Variants in UBR3 observed in about 807,000 individuals in gnomAD.
The protein encoded by UBR3 is E3 ubiquitin-protein ligase UBR3.
UBR3 carries 85 observed loss-of-function variants against 243.2 expected under a neutral mutation model. The ratio of observed to expected loss-of-function variants is 0.35; its 90% confidence interval spans 0.29 to 0.42. The LOEUF (loss-of-function observed/expected upper bound fraction) is 0.42, where lower values mean the gene tolerates loss of function less well. UBR3 is among the 10% of genes least tolerant of loss of function. The pLI, the probability that UBR3 is intolerant of heterozygous loss-of-function variation, is 1.00. For missense variants in UBR3, 1,686 were observed against 2,300.8 expected (o/e 0.73, Z 5.47); for synonymous variants, 748 against 799.8 (o/e 0.94, Z 1.09).
At chr2:169,937,294 A>C (rs1043358408) in intron 19 of UBR3, among the ~76,000 whole-genome samples, 6 of 152,214 alleles carry the variant, frequency 3.9e-5, no homozygotes, top group Admixed American at 3.3e-4. Context: ...TGTTGGCTGC[A>C]TAAATGTCTT....
At chr2:169,933,044 TTTTATA>T (rs1358789164) in intron 19 of UBR3, 36 bp downstream of exon 19, 1 of 1,430,780 alleles carries the variant, frequency 7.0e-7, no homozygotes, top group African/African-American at 1.5e-5. Flanking sequence ...CATAACAGTA[TTTTATA>T]TTTATATGGA....
At chr2:169,964,597 T>C (rs925067359) in intron 24 of UBR3, 8 of 384,468 alleles carry the variant, frequency 2.1e-5, no homozygotes, top group African/African-American at 6.4e-5. Flanking sequence ...TTTGATTGCT[T>C]TAGTTTTCAG....
At chr2:169,938,816 C>T (rs1255513188) in intron 19 of UBR3, among the ~76,000 whole-genome samples, 1 of 151,982 alleles carries the variant, frequency 6.6e-6, no homozygotes, top group East Asian at 1.9e-4. Context: ...ATTCTCTGGT[C>T]GATTTTGAGT....
intron 35 of UBR3, among the ~76,000 whole-genome samples, chr2:170,062,949 A>C (rs535934101): frequency 6.6e-6 from 1 of 152,354 alleles, no homozygotes; most frequent in South Asian, 2.1e-4. Flanking sequence ...GAAAGAGATT[A>C]AAATATAGTT....
intron 1 of UBR3, among the ~76,000 whole-genome samples, chr2:169,837,016 C>T (rs185245454): frequency 4.9e-4 from 74 of 151,800 alleles, no homozygotes; most frequent in Non-Finnish European, 7.1e-4. Context: ...TTATTTGTAT[C>T]TTGTTAAAGA....
chr2:170,041,246 A>G (rs545098944), intron 32 of UBR3, among the ~76,000 whole-genome samples: 5 of 152,204 alleles, frequency 3.3e-5, no homozygotes, highest in Non-Finnish European at 7.3e-5. Flanking sequence ...AATAACAGAC[A>G]TTGTTTTTTC....
intron 29 of UBR3, among the ~76,000 whole-genome samples, chr2:170,010,055 C>G (rs2090037766): frequency 1.3e-5 from 2 of 151,958 alleles, no homozygotes; most frequent in South Asian, 4.2e-4. Flanking sequence ...AAATACTGGA[C>G]ATGGGTTGAT....
chr2:169,887,771 TTTTC>T (rs1362230157), intron 5 of UBR3, among the ~76,000 whole-genome samples: 1 of 150,820 alleles, frequency 6.6e-6, no homozygotes, highest in Non-Finnish European at 1.5e-5. Flanking sequence ...ATTTTTTTCT[TTTTC>T]TTTCTTTCTT....
At chr2:169,863,910 G>A (rs1162754770) in intron 1 of UBR3, among the ~76,000 whole-genome samples, 1 of 152,174 alleles carries the variant, frequency 6.6e-6, no homozygotes, top group Non-Finnish European at 1.5e-5. Flanking sequence ...AGCTTTGCAT[G>A]CCTAGCCTAC....
chr2:170,016,427 T>C (rs2090237606), intron 30 of UBR3, among the ~76,000 whole-genome samples: 1 of 151,900 alleles, frequency 6.6e-6, no homozygotes, highest in African/African-American at 2.4e-5. Flanking sequence ...TTGACCCCTT[T>C]ATGCATTCAT....
intron 29 of UBR3, chr2:170,015,006 T>C (rs2090193249): frequency 4.0e-6 from 1 of 249,474 alleles, no homozygotes; most frequent in Non-Finnish European, 7.6e-6. Context: ...GTTTTTAGTA[T>C]GTGCCAAGAG....
intron 6 of UBR3, among the ~76,000 whole-genome samples, chr2:169,893,114 C>T (rs1203220238): frequency 6.6e-6 from 1 of 152,146 alleles, no homozygotes; most frequent in Non-Finnish European, 1.5e-5. Context: ...CAATATAACA[C>T]GTGCTTTAAC....
At chr2:170,039,286 T>A (rs1335775773) in intron 31 of UBR3, among the ~76,000 whole-genome samples, 2 of 152,158 alleles carry the variant, frequency 1.3e-5, no homozygotes, top group Non-Finnish European at 2.9e-5. Context: ...AGATAAGGAT[T>A]TAAAATGTCC....
intron 24 of UBR3, among the ~76,000 whole-genome samples, chr2:169,975,885 CATATATAT>C (rs3083011): frequency 2.8e-4 from 42 of 150,626 alleles, no homozygotes; most frequent in East Asian, 9.7e-4. Flanking sequence ...CAATTAAAAA[CATATATAT>C]ATATATATAT....
intron 1 of UBR3, among the ~76,000 whole-genome samples, chr2:169,864,158 A>G (rs1409222509): frequency 1.3e-5 from 2 of 151,916 alleles, no homozygotes; most frequent in East Asian, 1.9e-4. Context: ...TGATCTTCCT[A>G]CGTCAGCCTC....
intron 1 of UBR3, among the ~76,000 whole-genome samples, chr2:169,869,780 C>T (rs2083379477): frequency 2.0e-5 from 3 of 152,116 alleles, no homozygotes. Flanking sequence ...AAAACTGGAG[C>T]ATCTTTCCAT....
rs140240607 is a variant in UBR3, at chr2:169,828,103, C to T, written c.545+51C>T. ...AGGCGACCCTGGGCCGGGGACGTCG[C>T]GGGAGGGCCTGGAGCGGAGCACTGG... is the stretch of plus-strand genomic sequence containing the variant. On this transcript the variant is annotated intron_variant, in intron 1 of 38. Transcript: ENST00000272793. The T allele has an allele frequency of 2.5e-4, 311 of 1,220,404 alleles. No homozygotes were observed. The African/African-American group carries it at 4.5e-3, about 18-fold the overall frequency. The allele number at this position is 1,220,404 out of a possible 1,614,324, so 75.6% of individuals were successfully genotyped here.
intron 27 of UBR3, among the ~76,000 whole-genome samples, chr2:170,004,912 A>AAAAC (rs770475787): frequency 6.6e-6 from 1 of 151,802 alleles, no homozygotes; most frequent in Non-Finnish European, 1.5e-5. Context: ...ACTCCATCTC[A>AAAAC]AAACAAACAA....
intron 1 of UBR3, among the ~76,000 whole-genome samples, chr2:169,851,640 C>T (rs980278684): frequency 9.2e-5 from 14 of 151,816 alleles, no homozygotes; most frequent in African/African-American, 2.2e-4. Context: ...CTGAGGGGAG[C>T]GGATCACAAG....
Sources: allele counts gnomAD v4.1 joint callset (sites outside exome capture counted in the v4.1 genomes callset), GRCh38; gene constraint gnomAD v4.1.1; transcripts MANE v1.5; gene names NCBI Gene and HGNC (gene_info 2026-07-23, HGNC 2026-07-21).